Variants in DIAPH2 observed in about 807,000 individuals in gnomAD.
The protein encoded by DIAPH2 is protein diaphanous homolog 2.
Under a neutral mutation model 92.7 loss-of-function variants are expected in DIAPH2, and 35 were observed. The ratio of observed to expected loss-of-function variants is 0.38; its 90% CI spans 0.29 to 0.50. DIAPH2 has a LOEUF of 0.50. DIAPH2 is among the 20% of genes least tolerant of loss of function. The pLI, the probability that DIAPH2 is intolerant of heterozygous loss-of-function variation, is 0.94. For synonymous variants in DIAPH2, 301 were observed against 280.4 expected, an observed-to-expected ratio of 1.07 and a Z score of -0.73; for missense variants, 701 against 819.5, an observed-to-expected ratio of 0.86 and a Z score of 1.77.
In DIAPH2 at chrX:96,874,563, T is replaced by C. The variant is rs181606530; in HGVS notation, c.448-7016T>C. Among the ~76,000 whole-genome samples the C allele has an allele frequency of 2.5e-4, 28 of 112,275 alleles. 1 individual carries two copies. The Admixed American group carries it at 2.6e-3, about 10-fold the overall frequency. The stretch of plus-strand genomic sequence containing the variant: ...ATTGCTTATTATCCAGATTGACTAA[T>C]ATTGACTATCATTAAATATTTTAAT... On this transcript the variant is annotated intron_variant, in intron 4 of 26. Transcript: ENST00000324765.
intron 17 of DIAPH2, among the ~76,000 whole-genome samples, chrX:97,015,317 A>G (rs1030242386): frequency 8.9e-6 from 1 of 111,804 alleles, no homozygotes; most frequent in Non-Finnish European, 1.9e-5. Flanking sequence ...TTCATTTCTT[A>G]TCAGGTAAAT....
intron 22 of DIAPH2, among the ~76,000 whole-genome samples, chrX:97,209,483 C>T (rs766486494): frequency 2.7e-5 from 3 of 111,378 alleles, no homozygotes; most frequent in Admixed American, 9.6e-5. Flanking sequence ...ATTCCTATGA[C>T]TCTGAATGAA....
chrX:96,947,867 C>T (rs977545029), intron 14 of DIAPH2, among the ~76,000 whole-genome samples: 6 of 112,027 alleles, frequency 5.4e-5, no homozygotes, highest in African/African-American at 1.6e-4. Context: ...TAGCCAGTCC[C>T]AGGCAGTATT....
At chrX:96,853,595 C>G (rs2065018475) in intron 4 of DIAPH2, among the ~76,000 whole-genome samples, 1 of 111,350 alleles carries the variant, frequency 9.0e-6, no homozygotes, top group Non-Finnish European at 1.9e-5. Flanking sequence ...AATACATTCA[C>G]TTTAAAGATA....
chrX:97,329,891 GACACACACACACACACACACACAC>G (rs201851023), intron 23 of DIAPH2, among the ~76,000 whole-genome samples: 6 of 79,478 alleles, frequency 7.5e-5, no homozygotes, highest in South Asian at 8.7e-4. Flanking sequence ...TGCATTCTTA[GACACACACACACACACACACACAC>G]ACACACACAC....
rs369077776 is a variant in DIAPH2 at position 97,215,246 on chromosome X, T to C, written c.2720-32469T>C. 5.4e-5 allele frequency among the ~76,000 whole-genome samples: 6 copies of C among 111,823 alleles called. No homozygotes were observed. In the South Asian group the frequency reaches 1.5e-3, roughly 29 times the overall value. On this transcript the variant is annotated intron_variant, in intron 22 of 26. Transcript: ENST00000324765. ...ATAGTTTTCTTGGATATTAGGTGGT[T>C]TTGTTTCATTGAATCTCAGCAGTTT...
intron 22 of DIAPH2, among the ~76,000 whole-genome samples, chrX:97,185,423 G>GTGTATATATATATGTATA (rs1317544082): frequency 8.2e-5 from 2 of 24,380 alleles, no homozygotes; most frequent in African/African-American, 3.6e-4. Flanking sequence ...ATATATATAT[G>GTGTATATATATATGTATA]TATATATATA....
chrX:97,463,386 G>C (rs1468098588), intron 26 of DIAPH2, among the ~76,000 whole-genome samples: 1 of 104,193 alleles, frequency 9.6e-6, no homozygotes, highest in African/African-American at 3.5e-5. Flanking sequence ...TTATTTATTT[G>C]TTTATTTTTA....
At chrX:97,188,092 T>G (rs192551800) in intron 22 of DIAPH2, among the ~76,000 whole-genome samples, 1 of 111,860 alleles carries the variant, frequency 8.9e-6, no homozygotes, top group African/African-American at 3.2e-5. Flanking sequence ...GTCTTTGGAG[T>G]AGAAGACGAA....
chrX:96,987,527 C>T (rs1047264536), intron 17 of DIAPH2, among the ~76,000 whole-genome samples: 1 of 110,749 alleles, frequency 9.0e-6, no homozygotes, highest in Non-Finnish European at 1.9e-5. Context: ...TATTTTAGGC[C>T]CTGCTTGCTT....
At chrX:96,784,529 T>C (rs1231728140) in intron 4 of DIAPH2, among the ~76,000 whole-genome samples, 1 of 111,980 alleles carries the variant, frequency 8.9e-6, no homozygotes, top group East Asian at 2.8e-4. Flanking sequence ...CATACACAAT[T>C]AAATGAGTGA....
chrX:96,831,154 C>T (rs2147689038), intron 4 of DIAPH2, among the ~76,000 whole-genome samples: 1 of 111,340 alleles, frequency 9.0e-6, no homozygotes, highest in Admixed American at 9.6e-5. Context: ...TGCCTTTTCC[C>T]TAGGTTTTTT....
At chrX:96,830,179 G>T (rs1268716630) in intron 4 of DIAPH2, among the ~76,000 whole-genome samples, 1 of 111,403 alleles carries the variant, frequency 9.0e-6, no homozygotes, top group Non-Finnish European at 1.9e-5. Flanking sequence ...TTGATAAAAG[G>T]ATCATAAAGT....
intron 22 of DIAPH2, among the ~76,000 whole-genome samples, chrX:97,240,649 G>A (rs771753071): frequency 9.2e-6 from 1 of 108,873 alleles, no homozygotes; most frequent in African/African-American, 3.4e-5. Flanking sequence ...TTAGGCCATA[G>A]TAGGGATAGC....
At chrX:96,774,898 A>G (rs1277841605) in intron 4 of DIAPH2, among the ~76,000 whole-genome samples, 2 of 112,296 alleles carry the variant, frequency 1.8e-5, no homozygotes, top group African/African-American at 6.5e-5. Flanking sequence ...ATAATTAAAC[A>G]TCGTTTTGTT....
At chrX:97,505,010 G>A (rs920474943) in intron 26 of DIAPH2, among the ~76,000 whole-genome samples, 2 of 112,116 alleles carry the variant, frequency 1.8e-5, no homozygotes, top group African/African-American at 6.5e-5. Context: ...TCAGCCAAAT[G>A]CCAGGATACC....
intron 4 of DIAPH2, among the ~76,000 whole-genome samples, chrX:96,823,071 A>G (rs2064789050): frequency 8.9e-6 from 1 of 111,945 alleles, no homozygotes; most frequent in Non-Finnish European, 1.9e-5. Context: ...AGTTTAATAG[A>G]CAAAAAGGAT....
chrX:96,981,354 A>T (rs936842600), intron 17 of DIAPH2, among the ~76,000 whole-genome samples: 1 of 111,475 alleles, frequency 9.0e-6, no homozygotes, highest in Non-Finnish European at 1.9e-5. Flanking sequence ...CCATTTCTTG[A>T]TTTGTTGTTT....
intron 22 of DIAPH2, among the ~76,000 whole-genome samples, chrX:97,233,826 T>A (rs1395659345): frequency 8.9e-6 from 1 of 112,059 alleles, no homozygotes; most frequent in Non-Finnish European, 1.9e-5. Flanking sequence ...CCAGCCTGCT[T>A]TGATCATAGC....
Sources: allele counts gnomAD v4.1 joint callset (sites outside exome capture counted in the v4.1 genomes callset), GRCh38; gene constraint gnomAD v4.1.1; transcripts MANE v1.5; gene names NCBI Gene and HGNC (gene_info 2026-07-23, HGNC 2026-07-21).